GRID1: variants seen among roughly 807,000 people sequenced by gnomAD.
GRID1 encodes glutamate ionotropic receptor delta type subunit 1.
GRID1 carries 28 observed loss-of-function variants against 98.0 expected under a neutral mutation model. The ratio of observed to expected loss-of-function variants is 0.29; its 90% CI spans 0.21 to 0.39. GRID1 has a LOEUF of 0.39. Ranked by LOEUF, GRID1 falls within the 10% of genes least tolerant of loss-of-function variation. GRID1 has a pLI of 1.00. For synonymous variants in GRID1, 553 were observed against 538.5 expected, an observed-to-expected ratio of 1.03 and a Z score of -0.37; for missense variants, 1,111 against 1,340.5, an observed-to-expected ratio of 0.83 and a Z score of 2.67.
chr10:85,724,232 A>C, intron 11 of GRID1, 120 bp downstream of exon 11: 1 of 695,014 alleles, frequency 1.4e-6, no homozygotes, highest in Non-Finnish European at 2.4e-6. Flanking sequence ...GTACTGTCCT[A>C]GAGATTAAGT....
intron 12 of GRID1, among the ~76,000 whole-genome samples, chr10:85,708,325 G>T (rs1469672217): frequency 6.6e-6 from 1 of 151,410 alleles, no homozygotes; most frequent in African/African-American, 2.4e-5. Flanking sequence ...AATGGCGTGA[G>T]CCCAGGAGGC....
intron 8 of GRID1, among the ~76,000 whole-genome samples, chr10:85,783,943 G>A (rs1484602234): frequency 1.3e-5 from 2 of 152,178 alleles, no homozygotes; most frequent in Non-Finnish European, 2.9e-5. Flanking sequence ...GTTAGTTGAG[G>A]TTGGGAGATA....
intron 2 of GRID1, among the ~76,000 whole-genome samples, chr10:86,294,552 G>A (rs1438705611): frequency 6.6e-6 from 1 of 152,168 alleles, no homozygotes; most frequent in Non-Finnish European, 1.5e-5. Context: ...AGAGGGGAGA[G>A]TGCAGGGGAC....
chr10:85,663,068 C>T (rs1037814886), intron 12 of GRID1, among the ~76,000 whole-genome samples: 6 of 152,156 alleles, frequency 3.9e-5, no homozygotes, highest in Non-Finnish European at 7.3e-5. Context: ...TCTTGGGGAA[C>T]ACATCACTAC....
intron 2 of GRID1, among the ~76,000 whole-genome samples, chr10:86,211,431 T>C (rs1364533019): frequency 1.3e-5 from 2 of 152,102 alleles, no homozygotes; most frequent in African/African-American, 4.8e-5. Context: ...GCACCCTGTG[T>C]CCTGGGAAAG....
chr10:86,240,938 G>A (rs866605680), intron 2 of GRID1, among the ~76,000 whole-genome samples: 3 of 152,246 alleles, frequency 2.0e-5, no homozygotes, highest in Non-Finnish European at 4.4e-5. Context: ...TCCCTGCCAG[G>A]CTGGGTCAGA....
At chr10:85,735,616 A>T (rs532673781) in intron 8 of GRID1, among the ~76,000 whole-genome samples, 1 of 152,286 alleles carries the variant, frequency 6.6e-6, no homozygotes, top group South Asian at 2.1e-4. Context: ...CATCCTTTGG[A>T]AGATTGGGCT....
intron 4 of GRID1, among the ~76,000 whole-genome samples, chr10:86,032,530 A>G (rs1325450412): frequency 2.6e-5 from 4 of 152,080 alleles, no homozygotes; most frequent in African/African-American, 4.8e-5. Flanking sequence ...CTTACCCCCA[A>G]CCCCTTGCTC....
At chr10:85,787,963 T>C (rs1384837026) in intron 8 of GRID1, among the ~76,000 whole-genome samples, 3 of 151,962 alleles carry the variant, frequency 2.0e-5, no homozygotes, top group African/African-American at 7.3e-5. Flanking sequence ...TTCCGCTCTT[T>C]GCTCTTGTCT....
At chr10:85,784,754 T>G (rs982910404) in intron 8 of GRID1, among the ~76,000 whole-genome samples, 2 of 152,224 alleles carry the variant, frequency 1.3e-5, no homozygotes, top group African/African-American at 4.8e-5. Context: ...GGGTGGGATT[T>G]GAAGGTTGTC....
intron 8 of GRID1, among the ~76,000 whole-genome samples, chr10:85,782,060 A>G (rs949156186): frequency 3.3e-5 from 5 of 152,372 alleles, no homozygotes; most frequent in South Asian, 2.1e-4. Context: ...TTTAATTACA[A>G]TAAATCCAAA....
chr10:86,290,940 G>C (rs1847503503), intron 2 of GRID1, among the ~76,000 whole-genome samples: 2 of 152,174 alleles, frequency 1.3e-5, no homozygotes, highest in African/African-American at 2.4e-5. Flanking sequence ...CTGTCCTGGA[G>C]AGGAAGCGGC....
intron 4 of GRID1, among the ~76,000 whole-genome samples, chr10:86,105,720 AG>A (rs1395455348): frequency 2.6e-5 from 4 of 152,240 alleles, no homozygotes; most frequent in Admixed American, 2.6e-4. Flanking sequence ...TCTCCAGCAA[AG>A]GTTGGAATCT....
Position 85,612,663 on chromosome 10 carries a change from C to G in GRID1, c.2601+744G>C, listed in dbSNP as rs117050009. Among the ~76,000 whole-genome samples, 253 of 151,804 alleles carry G rather than the reference C, an allele frequency of 1.7e-3. 4 individuals are homozygous for G. The East Asian group carries it at 0.041, about 24-fold the overall frequency. On this transcript the variant is annotated intron_variant, in intron 15 of 15. Coordinates refer to ENST00000327946, the MANE Select transcript of GRID1 (RefSeq NM_017551.3). ...GTTTCTGCTGGCAAAGCATCACCAC[C>G]AAATGACACTACTTTCCACCCTTCC...
chr10:85,838,445 A>T (rs1409079178), intron 8 of GRID1, among the ~76,000 whole-genome samples: 1 of 152,222 alleles, frequency 6.6e-6, no homozygotes, highest in Non-Finnish European at 1.5e-5. Flanking sequence ...GAAGCTCATC[A>T]AACTAACTAC....
chr10:85,697,474 TTC>T (rs1343524960), intron 12 of GRID1, among the ~76,000 whole-genome samples: 1 of 152,198 alleles, frequency 6.6e-6, no homozygotes, highest in Non-Finnish European at 1.5e-5. Flanking sequence ...TATCTTTACC[TTC>T]TCTCTCAATG....
intron 3 of GRID1, among the ~76,000 whole-genome samples, chr10:86,139,399 A>G (rs1844979715): frequency 6.6e-6 from 1 of 151,346 alleles, no homozygotes; most frequent in African/African-American, 2.4e-5. Flanking sequence ...AGTCCCCTTC[A>G]CCTCCCTCTG....
chr10:86,340,142 C>A (rs1848289562), intron 2 of GRID1, among the ~76,000 whole-genome samples: 1 of 152,004 alleles, frequency 6.6e-6, no homozygotes, highest in Admixed American at 6.6e-5. Flanking sequence ...GAAGGTCAAG[C>A]AGCCAAGCAG....
intron 5 of GRID1, among the ~76,000 whole-genome samples, chr10:85,869,407 G>A (rs995452305): frequency 5.3e-5 from 8 of 152,174 alleles, no homozygotes; most frequent in South Asian, 4.1e-4. Context: ...AGAAAAAGAC[G>A]TTTGAGACTA....
Sources: gnomAD v4.1 joint callset for allele counts (sites outside exome capture counted in the v4.1 genomes callset) on GRCh38, gnomAD v4.1.1 for gene constraint, MANE v1.5 for transcripts, NCBI Gene and HGNC (gene_info 2026-07-23, HGNC 2026-07-21) for gene names.